ZC3H12B: variants seen among roughly 807,000 people sequenced by gnomAD.
ZC3H12B encodes the protein zinc finger CCCH-type containing 12B.
A neutral mutation model predicts 43.9 loss-of-function variants in ZC3H12B; 7 were observed. That is an observed-to-expected ratio of 0.16 (90% CI 0.09 to 0.30). The LOEUF is 0.30. ZC3H12B is among the 10% of genes least tolerant of loss of function. The pLI, the probability that ZC3H12B is intolerant of heterozygous loss-of-function variation, is 1.00. For missense variants in ZC3H12B, 475 were observed against 670.2 expected (o/e 0.71, Z 3.22); for synonymous variants, 222 against 241.7 (o/e 0.92, Z 0.76).
the ZC3H12B span, among the ~76,000 whole-genome samples, chrX:65,055,476 G>A: frequency 7.2e-5 from 8 of 111,832 alleles, no homozygotes; most frequent in Non-Finnish European, 1.5e-4. Flanking sequence ...TGTGTTGCTG[G>A]ATTCGGTTTG....
chrX:65,319,355 A>G, the ZC3H12B span, among the ~76,000 whole-genome samples: 3 of 111,313 alleles, frequency 2.7e-5, no homozygotes, highest in African/African-American at 3.3e-5. Context: ...GAAACATACA[A>G]CCTCCCAAGA....
At chrX:65,055,391 C>T in the ZC3H12B span, among the ~76,000 whole-genome samples, 1 of 111,530 alleles carries the variant, frequency 9.0e-6, no homozygotes, top group Admixed American at 9.6e-5. Flanking sequence ...ATTACGTTTA[C>T]TGATTTGCAT....
the ZC3H12B span, among the ~76,000 whole-genome samples, chrX:65,219,331 A>T: frequency 8.9e-6 from 1 of 112,228 alleles, no homozygotes; most frequent in African/African-American, 3.2e-5. Context: ...TGCCAAAAAA[A>T]GAATTCAGAA....
the ZC3H12B span, among the ~76,000 whole-genome samples, chrX:65,211,959 A>T: frequency 1.4e-5 from 1 of 71,044 alleles, no homozygotes; most frequent in Non-Finnish European, 2.3e-5. Flanking sequence ...TATAATATAT[A>T]ATATATGTTA....
At chrX:65,173,347 TAAC>T in the ZC3H12B span, among the ~76,000 whole-genome samples, 1 of 112,148 alleles carries the variant, frequency 8.9e-6, no homozygotes, top group East Asian at 2.8e-4. Flanking sequence ...TTTCTAAATA[TAAC>T]ATCATGTCTT....
the ZC3H12B span, among the ~76,000 whole-genome samples, chrX:65,296,967 C>A: frequency 1.8e-5 from 2 of 111,067 alleles, no homozygotes; most frequent in Non-Finnish European, 3.8e-5. Context: ...TGAGCAAAAC[C>A]CTCAGCAATG....
chrX:65,248,184 G>A, the ZC3H12B span, among the ~76,000 whole-genome samples: 1 of 110,221 alleles, frequency 9.1e-6, no homozygotes, highest in Non-Finnish European at 1.9e-5. Flanking sequence ...CCACAGGACC[G>A]CCACCACGCC....
the ZC3H12B span, among the ~76,000 whole-genome samples, chrX:65,062,884 T>A: frequency 3.6e-5 from 4 of 111,896 alleles, no homozygotes; most frequent in Admixed American, 1.9e-4. Context: ...ATGTCCCTTC[T>A]AGGTTGTATT....
chrX:65,108,664 G>T, the ZC3H12B span, among the ~76,000 whole-genome samples: 1 of 110,338 alleles, frequency 9.1e-6, no homozygotes, highest in African/African-American at 3.3e-5. Flanking sequence ...TAAGTAGAAA[G>T]TGTATACTCT....
At chrX:65,443,573 C>A (rs745862324) in intron 3 of ZC3H12B, among the ~76,000 whole-genome samples, 1 of 112,565 alleles carries the variant, frequency 8.9e-6, no homozygotes, top group East Asian at 2.8e-4. Context: ...AAAAGTATCC[C>A]TTAAGGGAAA....
chrX:65,150,844 C>G, the ZC3H12B span, among the ~76,000 whole-genome samples: 1 of 110,879 alleles, frequency 9.0e-6, no homozygotes, highest in Non-Finnish European at 1.9e-5. Context: ...CTTTTTCTGT[C>G]TTTTGGCATT....
chrX:65,266,687 G>A, the ZC3H12B span, among the ~76,000 whole-genome samples: 1 of 111,406 alleles, frequency 9.0e-6, no homozygotes, highest in Admixed American at 9.6e-5. Context: ...AGTTGCTACT[G>A]CCAGAGGGAG....
At chrX:65,134,338 T>G in the ZC3H12B span, among the ~76,000 whole-genome samples, 1 of 110,811 alleles carries the variant, frequency 9.0e-6, no homozygotes, top group East Asian at 2.9e-4. Context: ...GGAGTGTGGG[T>G]GAAGAATCAG....
the ZC3H12B span, among the ~76,000 whole-genome samples, chrX:65,320,767 T>C: frequency 8.9e-6 from 1 of 112,051 alleles, no homozygotes; most frequent in Non-Finnish European, 1.9e-5. Flanking sequence ...ATCTGGTCTT[T>C]GACAAGGCTG....
chrX:65,237,238 A>AGTTT, the ZC3H12B span, among the ~76,000 whole-genome samples: 880 of 109,983 alleles, frequency 8.0e-3, 19 homozygotes, highest in African/African-American at 0.026. Flanking sequence ...AGTGGTTTGT[A>AGTTT]GTTTGTTTGT....
At chrX:65,143,227 T>A in the ZC3H12B span, among the ~76,000 whole-genome samples, 2 of 111,316 alleles carry the variant, frequency 1.8e-5, no homozygotes, top group East Asian at 5.6e-4. Flanking sequence ...CGTTCTTGGT[T>A]AGGTATATTC....
At chrX:65,295,690 C>G in the ZC3H12B span, among the ~76,000 whole-genome samples, 1 of 111,116 alleles carries the variant, frequency 9.0e-6, no homozygotes, top group African/African-American at 3.3e-5. Flanking sequence ...AGAGAAGATC[C>G]AAATAAGCTA....
At chrX:65,066,056 G>A in the ZC3H12B span, among the ~76,000 whole-genome samples, 5 of 108,327 alleles carry the variant, frequency 4.6e-5, no homozygotes, top group Non-Finnish European at 9.5e-5. Context: ...CTTTTTTCAA[G>A]GTTTTTAGCT....
the ZC3H12B span, among the ~76,000 whole-genome samples, chrX:65,319,637 C>T: frequency 9.0e-6 from 1 of 111,101 alleles, no homozygotes; most frequent in East Asian, 2.8e-4. Context: ...AAACATCAGG[C>T]CAATATCCTA....
Sources: gnomAD v4.1 joint callset for allele counts (sites outside exome capture counted in the v4.1 genomes callset) on GRCh38, gnomAD v4.1.1 for gene constraint, MANE v1.5 for transcripts, NCBI Gene and HGNC (gene_info 2026-07-23, HGNC 2026-07-21) for gene names.